TMEM165: variants seen among roughly 807,000 people sequenced by gnomAD.
The protein encoded by TMEM165 is putative divalent cation/proton antiporter TMEM165.
A neutral mutation model predicts 30.0 loss-of-function variants in TMEM165; 19 were observed. The observed-to-expected ratio is 0.63, with a 90% CI of 0.44 to 0.93. The LOEUF (loss-of-function observed/expected upper bound fraction) is 0.93. Among genes scored for constraint, TMEM165 ranks in the 40% least tolerant of loss-of-function variants. TMEM165 has a pLI of 0.00. For synonymous variants in TMEM165, 168 were observed against 162.9 expected (o/e 1.03, Z -0.24); for missense variants, 340 against 417.0 (o/e 0.82, Z 1.61).
chr4:55,410,750 C>T (rs1721456064), intron 1 of TMEM165, among the ~76,000 whole-genome samples: 1 of 152,170 alleles, frequency 6.6e-6, no homozygotes, highest in African/African-American at 2.4e-5. Context: ...GTTTTTTAAA[C>T]ATACCTGGGT....
Position 55,448,154 on chromosome 4 carries a change from C to T in TMEM165, c.409-4085C>T, listed in dbSNP as rs531891893. ...CATACTTTCAGCACAGGCAATATAG[C>T]ATGGTATTGTAGGCATCTGTCATTC... On this transcript the variant is annotated intron_variant, in intron 3 of 3. Coordinates refer to the TMEM165 transcript ENST00000608091. Among the ~76,000 whole-genome samples the T allele has an allele frequency of 9.2e-5, 14 of 152,266 alleles. No homozygotes were observed. In the East Asian group the frequency reaches 2.5e-3, roughly 27 times the overall value.
At chr4:55,405,969 T>A (rs1721252622) in intron 1 of TMEM165, among the ~76,000 whole-genome samples, 1 of 152,372 alleles carries the variant, frequency 6.6e-6, no homozygotes, top group East Asian at 1.9e-4. Context: ...TCTTTCACAT[T>A]GTCAGTACAG....
chr4:55,400,881 G>A (rs1269516809), intron 1 of TMEM165, among the ~76,000 whole-genome samples: 1 of 150,802 alleles, frequency 6.6e-6, no homozygotes, highest in Non-Finnish European at 1.5e-5. Flanking sequence ...CCTGATGGAG[G>A]TAAGAAATGA....
Position 55,400,281 on chromosome 4 carries a change from T to TATATTATATATAATATTATATATAA in TMEM165, c.207+3885_207+3886insATATTATATATAATATTATATATAA, listed in dbSNP as rs1231426418. 5.3e-5 allele frequency among the ~76,000 whole-genome samples: 5 copies of TATATTATATATAATATTATATATAA among 95,150 alleles called. No individual in the cohort carries two copies. The South Asian group carries it at 1.2e-3, about 22-fold the overall frequency. The allele number at this position is 95,150 out of a possible 152,430, so 62.4% of individuals were successfully genotyped here. On this transcript the variant is annotated intron_variant, in intron 1 of 5. Transcript: ENST00000381334. The stretch of plus-strand genomic sequence containing the variant: ...TTAATATATAATATATAATATAATA[T>TATATTATATATAATATTATATATAA]TATATATTATATATAATATTATATA...
chr4:55,425,245 C>G (rs1578246248), intron 5 of TMEM165, 131 bp from the exon 6 acceptor site: 1 of 681,888 alleles, frequency 1.5e-6, no homozygotes, highest in Non-Finnish European at 2.5e-6. Context: ...TGAAGTGATT[C>G]TAATTTGTTT....
chr4:55,442,699 G>T, intron 3 of TMEM165: 5 of 1,331,820 alleles, frequency 3.8e-6, no homozygotes, highest in Non-Finnish European at 5.3e-6. Flanking sequence ...AAGTATGCTA[G>T]AATTCATCAT....
chr4:55,425,111 C>T (rs915492064), intron 5 of TMEM165, among the ~76,000 whole-genome samples: 2 of 152,186 alleles, frequency 1.3e-5, no homozygotes, highest in Admixed American at 6.5e-5. Context: ...TCTACTGTTG[C>T]TTGCCAGCAC....
intron 2 of TMEM165, among the ~76,000 whole-genome samples, chr4:55,414,786 T>C (rs1721658656): frequency 6.6e-6 from 1 of 152,212 alleles, no homozygotes; most frequent in East Asian, 1.9e-4. Flanking sequence ...CCCTCCTCCC[T>C]CCACCCCAGG....
chr4:55,453,213 C>T (rs879766585), exon 4 of TMEM165: 89 of 1,088,432 alleles, frequency 8.2e-5, no homozygotes, highest in Non-Finnish European at 1.1e-4. Context: ...AGTGTTGTTA[C>T]GTGTCTCATC....
In TMEM165 at chr4:55,411,790, C is replaced by T. The variant is rs141673565; in HGVS notation, c.384C>T (p.Thr128=). Reference sequence around the variant, plus strand: ...TGGCAATGCGCTATAACCGCCTGACCGTGCTGGCTGGTGCAATGCTTGCCT... The same window carrying T: ...TGGCAATGCGCTATAACCGCCTGACTGTGCTGGCTGGTGCAATGCTTGCCT... The part of the protein sequence containing the change: ...AIMAMRYNRL[T]VLAGAMLALG... Residue 128 remains threonine (T), a synonymous_variant, in exon 2 of 6, where the codon ACC becomes ACT. Coordinates refer to ENST00000381334, the MANE Select transcript of TMEM165 (RefSeq NM_018475.5). 22 of 1,614,172 alleles carry T rather than the reference C, an allele frequency of 1.4e-5. No individual in the cohort carries two copies. Among genetic ancestry groups the T allele is most frequent in the African/African-American group, 8.0e-5 (6 of 75,030 alleles).
intron 1 of TMEM165, among the ~76,000 whole-genome samples, chr4:55,411,149 AAAG>A (rs1200146947): frequency 1.3e-5 from 2 of 152,018 alleles, no homozygotes; most frequent in African/African-American, 2.4e-5. Flanking sequence ...AAAAAAAAAA[AAAG>A]GGAATTTTAA....
Position 55,396,065 on chromosome 4 carries a change from C to A in TMEM165, c.-125C>A. The A allele has an allele frequency of 1.3e-6, 1 of 749,022 alleles. No homozygotes were observed. The highest frequency in any genetic ancestry group is 1.9e-6 in the Non-Finnish European group (1 of 534,896). 46.4% of individuals were successfully genotyped at this position (749,022 alleles called of 1,614,324 possible). ...GCTTGCACCTCCCGGATGGTGCTGA[C>A]TGCTCCCTAAGCGGCGGCGGCGGCG... On this transcript the variant is annotated 5_prime_UTR_variant, in exon 1 of 6. It adds an upstream start codon to the 5' untranslated region. Coordinates refer to ENST00000381334, the MANE Select transcript of TMEM165 (RefSeq NM_018475.5).
chr4:55,398,143 GGTTTCACTAAGCAA>G (rs1720808445), intron 1 of TMEM165, among the ~76,000 whole-genome samples: 1 of 152,192 alleles, frequency 6.6e-6, no homozygotes, highest in African/African-American at 2.4e-5. Flanking sequence ...GACTGATCTT[GGTTTCACTAAGCAA>G]GAACATTTGT....
intron 2 of TMEM165, among the ~76,000 whole-genome samples, chr4:55,416,349 A>G (rs559804813): frequency 1.3e-5 from 2 of 152,236 alleles, no homozygotes; most frequent in South Asian, 4.1e-4. Context: ...TTAAGTTTTA[A>G]TTACTGAATG....
chr4:55,438,275 G>A (rs774380579), intron 3 of TMEM165: 3 of 1,614,090 alleles, frequency 1.9e-6, no homozygotes, highest in Non-Finnish European at 2.5e-6. Context: ...CCCATGGGGA[G>A]AATTACCTGT....
rs1560386162 is a variant in TMEM165 at position 55,400,379 on chromosome 4, A to ATTATATTAATATAATTAATTATATTAAT, written c.207+3983_207+3984insTTATATTAATATAATTAATTATATTAAT. Reference sequence around the variant, plus strand: ...TTAATATAATTAATTATATTAATATAATAATAATAAATAATATTAATATAA... The same window carrying ATTATATTAATATAATTAATTATATTAAT: ...TTAATATAATTAATTATATTAATATATTATATTAATATAATTAATTATATTAATATAATAATAAATAATATTAATATAA... On this transcript the variant is annotated intron_variant, in intron 1 of 5. Coordinates refer to ENST00000381334, the MANE Select transcript of TMEM165 (RefSeq NM_018475.5). Among the ~76,000 whole-genome samples the ATTATATTAATATAATTAATTATATTAAT allele has an allele frequency of 8.8e-3, 120 of 13,654 alleles. No individual in the cohort carries two copies. The South Asian group carries it at 0.17, about 19-fold the overall frequency. 9.0% of individuals were successfully genotyped at this position (13,654 alleles called of 152,430 possible). A position where few individuals can be genotyped will look rare whatever the true frequency, so the allele number is the denominator to read the frequency against.
intron 3 of TMEM165, among the ~76,000 whole-genome samples, chr4:55,450,777 A>T (rs1297943938): frequency 6.6e-6 from 1 of 152,182 alleles, no homozygotes; most frequent in African/African-American, 2.4e-5. Flanking sequence ...TCAAAAAAAA[A>T]AAAACATTAA....
intron 4 of TMEM165, 135 bp downstream of exon 4, chr4:55,418,120 G>A (rs1721817337): frequency 1.3e-6 from 1 of 798,950 alleles, no homozygotes; most frequent in African/African-American, 1.8e-5. Flanking sequence ...TGATAATTCA[G>A]CTGCTCTCTA....
At chr4:55,404,104 C>T (rs1467497118) in intron 1 of TMEM165, among the ~76,000 whole-genome samples, 2 of 141,748 alleles carry the variant, frequency 1.4e-5, no homozygotes, top group Non-Finnish European at 3.0e-5. Flanking sequence ...GTGCAGTGGG[C>T]ACAATCTTGG....
Sources: allele counts gnomAD v4.1 joint callset (sites outside exome capture counted in the v4.1 genomes callset), GRCh38; gene constraint gnomAD v4.1.1; transcripts MANE v1.5; gene names NCBI Gene and HGNC (gene_info 2026-07-23, HGNC 2026-07-21).